RARB: variants seen among roughly 807,000 people sequenced by gnomAD.
The protein encoded by RARB is HBV-activated protein.
Under a neutral mutation model 51.9 loss-of-function variants are expected in RARB, and 17 were observed. The ratio of observed to expected loss-of-function variants is 0.33; its 90% confidence interval spans 0.22 to 0.49. The LOEUF is 0.49. Among genes scored for constraint, RARB ranks in the 20% least tolerant of loss-of-function variants. The pLI is 0.99. For synonymous variants in RARB, 215 were observed against 195.4 expected (o/e 1.10, Z -0.84); for missense variants, 369 against 550.8 (o/e 0.67, Z 3.30).
chr3:24,970,098 T>G (rs916524121), intron 2 of RARB, among the ~76,000 whole-genome samples: 3 of 152,068 alleles, frequency 2.0e-5, no homozygotes, highest in African/African-American at 7.2e-5. Context: ...AACTTTGTTT[T>G]TGTAGGCCAA....
At chr3:25,361,963 G>A (rs1705953429) in intron 5 of RARB, among the ~76,000 whole-genome samples, 1 of 152,174 alleles carries the variant, frequency 6.6e-6, no homozygotes, top group African/African-American at 2.4e-5. Flanking sequence ...AGGGTTCAGG[G>A]ACCCACTGAG....
intron 3 of RARB, among the ~76,000 whole-genome samples, chr3:25,559,153 C>T (rs1362020515): frequency 6.6e-6 from 1 of 152,154 alleles, no homozygotes; most frequent in Non-Finnish European, 1.5e-5. Flanking sequence ...TTTTCCAACC[C>T]TCAGGCCTTT....
chr3:25,055,005 C>T (rs531260058), intron 2 of RARB, among the ~76,000 whole-genome samples: 2 of 152,258 alleles, frequency 1.3e-5, no homozygotes, highest in South Asian at 4.1e-4. Context: ...AATGTACTGT[C>T]TCATCAGTCT....
In RARB at chr3:25,252,658, A is replaced by G. The variant is rs926594145; in HGVS notation, c.178+78083A>G. ...TTATATTTTCAGATATTTCTTTGCCAGTTTATAGAACTACAATTGGCTTTT... is the reference window on the plus strand; with the variant it reads ...TTATATTTTCAGATATTTCTTTGCCGGTTTATAGAACTACAATTGGCTTTT... On this transcript the variant is annotated intron_variant, in intron 5 of 11. Transcript: ENST00000383772. 6.6e-5 allele frequency among the ~76,000 whole-genome samples: 10 copies of G among 152,302 alleles called. 1 individual carries two copies. The highest frequency in any genetic ancestry group is 2.6e-4 in the Admixed American group (4 of 15,300).
At chr3:25,260,033 TC>T (rs1387675048) in intron 5 of RARB, 1 of 974,382 alleles carries the variant, frequency 1.0e-6, no homozygotes, top group African/African-American at 1.8e-5. Context: ...CCTTTCTCCT[TC>T]CCCCATGGTG....
At chr3:25,201,943 G>C (rs1313572885) in intron 5 of RARB, among the ~76,000 whole-genome samples, 2 of 152,150 alleles carry the variant, frequency 1.3e-5, no homozygotes, top group East Asian at 3.9e-4. Flanking sequence ...GATGATGCTG[G>C]CCTCGTAAAA....
At chr3:25,301,607 A>G (rs916083747) in intron 5 of RARB, among the ~76,000 whole-genome samples, 14 of 152,116 alleles carry the variant, frequency 9.2e-5, no homozygotes, top group Non-Finnish European at 1.8e-4. Context: ...TGATTCTGGC[A>G]GGTGTTCCAT....
intron 2 of RARB, among the ~76,000 whole-genome samples, chr3:24,868,796 A>G (rs569107867): frequency 6.6e-6 from 1 of 152,300 alleles, no homozygotes; most frequent in African/African-American, 2.4e-5. Context: ...TTTTTGAATC[A>G]ATTGCTAACA....
chr3:25,098,636 C>T (rs369916375), intron 3 of RARB, among the ~76,000 whole-genome samples: 1 of 152,138 alleles, frequency 6.6e-6, no homozygotes, highest in Non-Finnish European at 1.5e-5. Flanking sequence ...TTAGACACAG[C>T]TATGATCATT....
At chr3:25,117,451 A>G (rs1373893239) in intron 3 of RARB, among the ~76,000 whole-genome samples, 1 of 152,176 alleles carries the variant, frequency 6.6e-6, no homozygotes, top group East Asian at 1.9e-4. Flanking sequence ...CCAATCAAAG[A>G]GCACTCATTC....
At chr3:25,265,020 G>A (rs1040603747) in intron 5 of RARB, among the ~76,000 whole-genome samples, 1 of 152,110 alleles carries the variant, frequency 6.6e-6, no homozygotes, top group Non-Finnish European at 1.5e-5. Flanking sequence ...CTTACAAAAC[G>A]GGCTCTGTGA....
intron 5 of RARB, among the ~76,000 whole-genome samples, chr3:25,253,287 C>T (rs1702775646): frequency 6.6e-6 from 1 of 152,112 alleles, no homozygotes. Context: ...CTGAGTTGTA[C>T]ATCCGTATTT....
intron 5 of RARB, among the ~76,000 whole-genome samples, chr3:25,276,372 T>C (rs73047894): frequency 0.098 from 14,893 of 152,216 alleles, 950 homozygotes; most frequent in Non-Finnish European, 0.15. Context: ...CATTATACAA[T>C]GTATACCTGT....
At chr3:24,832,200 G>A (rs1702291487) in intron 1 of RARB, among the ~76,000 whole-genome samples, 1 of 152,098 alleles carries the variant, frequency 6.6e-6, no homozygotes, top group Admixed American at 6.5e-5. Context: ...TGGTTAAGAA[G>A]GATCAATCAA....
intron 2 of RARB, among the ~76,000 whole-genome samples, chr3:24,960,133 G>T (rs1357577212): frequency 6.6e-6 from 1 of 152,128 alleles, no homozygotes; most frequent in Non-Finnish European, 1.5e-5. Flanking sequence ...TTCCCTTTCA[G>T]GTTCTACCTC....
chr3:25,363,293 A>G (rs1249614704), intron 5 of RARB, among the ~76,000 whole-genome samples: 1 of 152,110 alleles, frequency 6.6e-6, no homozygotes, highest in Non-Finnish European at 1.5e-5. Flanking sequence ...TGATATCTAT[A>G]ATTGATGGCT....
chr3:25,484,246 T>C (rs1185255502), intron 2 of RARB, among the ~76,000 whole-genome samples: 1 of 152,216 alleles, frequency 6.6e-6, no homozygotes, highest in Admixed American at 6.5e-5. Flanking sequence ...GGTGTCTTTT[T>C]CCTACCACCC....
At chr3:25,361,830 G>C (rs539271158) in intron 5 of RARB, among the ~76,000 whole-genome samples, 1 of 152,182 alleles carries the variant, frequency 6.6e-6, no homozygotes, top group Admixed American at 6.5e-5. Context: ...AGCAAAGATT[G>C]CTGCTTTCTC....
At chr3:25,013,081 G>A (rs1355160285) in intron 2 of RARB, among the ~76,000 whole-genome samples, 2 of 152,056 alleles carry the variant, frequency 1.3e-5, no homozygotes, top group African/African-American at 4.8e-5. Flanking sequence ...CTGTAGTATT[G>A]CCAACCTGAT....
Sources: gnomAD v4.1 joint callset for allele counts (sites outside exome capture counted in the v4.1 genomes callset) on GRCh38, gnomAD v4.1.1 for gene constraint, MANE v1.5 for transcripts, NCBI Gene and HGNC (gene_info 2026-07-23, HGNC 2026-07-21) for gene names.